PITPNB: variants seen among roughly 807,000 people sequenced by gnomAD.
PITPNB encodes phosphatidylinositol transfer protein beta isoform.
Under a neutral mutation model 45.9 loss-of-function variants are expected in PITPNB, and 16 were observed. The ratio of observed to expected loss-of-function variants is 0.35; its 90% CI spans 0.24 to 0.53. The LOEUF (loss-of-function observed/expected upper bound fraction) is 0.53. Ranked by LOEUF, PITPNB falls within the 20% of genes least tolerant of loss-of-function variation. The pLI, the probability that PITPNB is intolerant of heterozygous loss-of-function variation, is 0.93. For missense variants in PITPNB, 188 were observed against 330.5 expected (o/e 0.57, Z 3.34); for synonymous variants, 112 against 108.9 (o/e 1.03, Z -0.18).
At chr22:27,855,022 A>G in intron 10 of PITPNB, 83 bp from the exon 11 acceptor site, 2 of 937,260 alleles carry the variant, frequency 2.1e-6, no homozygotes, top group South Asian at 2.7e-5. Flanking sequence ...AAGATCTAGA[A>G]GAGATTATGA....
chr22:27,918,762 C>A (rs1441682386), intron 1 of PITPNB, among the ~76,000 whole-genome samples: 1 of 152,214 alleles, frequency 6.6e-6, no homozygotes, highest in Non-Finnish European at 1.5e-5. Context: ...CCACCCCGGA[C>A]GACAAATCAC....
At position 27,852,105 on chromosome 22, in the gene PITPNB, G is replaced by C. The variant is rs1934035738; in HGVS notation, c.*1597C>G. The C allele has an allele frequency of 6.6e-6, 1 of 152,208 alleles. No individual in the cohort carries two copies. The highest frequency in any genetic ancestry group is 2.1e-4 in the South Asian group (1 of 4,834). The allele number at this position is 152,208 out of a possible 1,614,324, so 9.4% of individuals were successfully genotyped here. On this transcript the variant is annotated 3_prime_UTR_variant, in exon 12 of 12. Transcript: ENST00000335272. The stretch of plus-strand genomic sequence containing the variant: ...TAACAGGGTATTGCAATGCAGTAGT[G>C]ATCCTACACATCCTTCCTTGTCTGA...
chr22:27,885,212 T>TTAAAAAAAAAAAAAAAAAAAAAAA (rs1569019261), intron 7 of PITPNB, among the ~76,000 whole-genome samples: 2 of 30,192 alleles, frequency 6.6e-5, no homozygotes, highest in East Asian at 2.4e-3. Context: ...AATTTATACC[T>TTAAAAAAAAAAAAAAAAAAAAAAA]AAAAAAAAAA....
intron 11 of PITPNB, among the ~76,000 whole-genome samples, chr22:27,854,253 A>G (rs1201877189): frequency 2.7e-5 from 4 of 147,824 alleles, no homozygotes; most frequent in Admixed American, 6.7e-5. Context: ...TTTTTTTTGC[A>G]TCTCTGGGAA....
Position 27,855,885 on chromosome 22 carries a change from A to G in PITPNB, c.769-946T>C, listed in dbSNP as rs1212129818. On this transcript the variant is annotated intron_variant, in intron 10 of 11. Transcript: ENST00000335272. ...GTCAGGGGTCAGGACCTCAAGGAAA[A>G]AGAAATTTCTGCGTGTGAAGAGGAC... Among the ~76,000 whole-genome samples the G allele has an allele frequency of 2.0e-5, 3 of 152,198 alleles. No homozygotes were observed. In the East Asian group the frequency reaches 5.8e-4, roughly 29 times the overall value.
chr22:27,893,309 G>A (rs1212583877), intron 7 of PITPNB, among the ~76,000 whole-genome samples: 1 of 150,804 alleles, frequency 6.6e-6, no homozygotes, highest in Non-Finnish European at 1.5e-5. Flanking sequence ...TTTTGAGACG[G>A]AGTCTCGCTC....
At position 27,896,738 on chromosome 22, in the gene PITPNB, A is replaced by T. The variant is rs930230448; in HGVS notation, c.298-112T>A. ...ATCCATGCTTTGACTCTACAAGGAGACTGATACTCAAGTGACAAAGAATCA... is the reference window on the plus strand; with the variant it reads ...ATCCATGCTTTGACTCTACAAGGAGTCTGATACTCAAGTGACAAAGAATCA... On this transcript the variant is annotated intron_variant, in intron 5 of 11. Coordinates refer to ENST00000335272, the MANE Select transcript of PITPNB (RefSeq NM_012399.5). 24 of 680,430 alleles carry T rather than the reference A, an allele frequency of 3.5e-5. No homozygotes were observed. In the African/African-American group the frequency reaches 4.3e-4, roughly 12 times the overall value. 42.1% of individuals were successfully genotyped at this position (680,430 alleles called of 1,614,324 possible).
chr22:27,886,134 A>G (rs1277043384), intron 7 of PITPNB, among the ~76,000 whole-genome samples: 2 of 152,210 alleles, frequency 1.3e-5, no homozygotes, highest in Non-Finnish European at 2.9e-5. Context: ...ACAACTTAAT[A>G]ACACTTCACT....
chr22:27,855,810 A>G (rs1336685161), intron 10 of PITPNB, among the ~76,000 whole-genome samples: 16 of 152,218 alleles, frequency 1.1e-4, no homozygotes, highest in African/African-American at 3.6e-4. Flanking sequence ...AATTCTTAAA[A>G]TATTTGTGAA....
At chr22:27,893,786 T>G (rs1935358968) in intron 7 of PITPNB, among the ~76,000 whole-genome samples, 1 of 152,040 alleles carries the variant, frequency 6.6e-6, no homozygotes, top group African/African-American at 2.4e-5. Flanking sequence ...AGACAGGATC[T>G]CACTATGTTG....
chr22:27,903,003 C>T (rs993740495), intron 3 of PITPNB, among the ~76,000 whole-genome samples: 3 of 152,102 alleles, frequency 2.0e-5, no homozygotes, highest in African/African-American at 7.2e-5. Flanking sequence ...GTAGCTGGGA[C>T]TATAGGCAAA....
intron 1 of PITPNB, 29 bp from the exon 2 acceptor site, chr22:27,914,376 A>G (rs201558378): frequency 2.8e-6 from 4 of 1,405,952 alleles, no homozygotes; most frequent in East Asian, 2.4e-5. Context: ...AAATATATAT[A>G]TTACATATGA....
chr22:27,892,864 G>A (rs1360209334), intron 7 of PITPNB, among the ~76,000 whole-genome samples: 1 of 152,148 alleles, frequency 6.6e-6, no homozygotes, highest in Non-Finnish European at 1.5e-5. Flanking sequence ...CAGGAAGGGG[G>A]CCCTAGCAGA....
intron 3 of PITPNB, among the ~76,000 whole-genome samples, chr22:27,901,082 C>A (rs1007488437): frequency 1.3e-5 from 2 of 152,190 alleles, no homozygotes; most frequent in South Asian, 2.1e-4. Flanking sequence ...TAAACCAATA[C>A]TCGGAACAGC....
chr22:27,872,117 G>A (rs1021960807), intron 8 of PITPNB, among the ~76,000 whole-genome samples: 8 of 118,970 alleles, frequency 6.7e-5, no homozygotes, highest in East Asian at 2.6e-4. Context: ...TTTTTGGGAC[G>A]GAGTCTCACT....
At chr22:27,853,719 G>A in intron 11 of PITPNB, 56 bp from the exon 12 acceptor site, 1 of 1,240,568 alleles carries the variant, frequency 8.1e-7, no homozygotes, top group Non-Finnish European at 1.2e-6. Flanking sequence ...GACAGGAAAT[G>A]TTAGCAGCTC....
In PITPNB at chr22:27,896,447, G is replaced by C. The variant is rs1036499387; in HGVS notation, c.372+105C>G. 3 of 784,050 alleles carry C rather than the reference G, an allele frequency of 3.8e-6. No homozygotes were observed. The African/African-American group carries it at 5.2e-5, about 14-fold the overall frequency. The allele number at this position is 784,050 out of a possible 1,614,324, so 48.6% of individuals were successfully genotyped here. A position where few individuals can be genotyped will look rare whatever the true frequency, so the allele number is the denominator to read the frequency against. ...ATCTCAATTTGACACAGCTTGGTGC[G>C]GTCAGATACACAGGTGACATTACTT... On this transcript the variant is annotated intron_variant, in intron 6 of 11. Coordinates refer to ENST00000335272, the MANE Select transcript of PITPNB (RefSeq NM_012399.5).
intron 7 of PITPNB, among the ~76,000 whole-genome samples, chr22:27,893,476 G>A (rs1187838690): frequency 6.6e-6 from 1 of 151,370 alleles, no homozygotes; most frequent in Non-Finnish European, 1.5e-5. Flanking sequence ...GTAGAGAAGG[G>A]GTTTCACCAT....
At chr22:27,877,585 G>C (rs1424358211) in intron 7 of PITPNB, among the ~76,000 whole-genome samples, 4 of 152,184 alleles carry the variant, frequency 2.6e-5, no homozygotes, top group Non-Finnish European at 5.9e-5. Flanking sequence ...GATCTCAACA[G>C]AAACTCTCAA....
Sources: allele counts gnomAD v4.1 joint callset (sites outside exome capture counted in the v4.1 genomes callset), GRCh38; gene constraint gnomAD v4.1.1; transcripts MANE v1.5; gene names NCBI Gene and HGNC (gene_info 2026-07-23, HGNC 2026-07-21).